Variants in GSG1L observed in about 807,000 individuals in gnomAD.
The protein encoded by GSG1L is germ cell-specific gene 1-like protein.
GSG1L carries 24 observed loss-of-function variants against 42.1 expected under a neutral mutation model. The observed-to-expected ratio is 0.57, with a 90% CI of 0.41 to 0.80. The LOEUF is 0.80. Among genes scored for constraint, GSG1L ranks in the 30% least tolerant of loss-of-function variants. The pLI is 0.00. For missense variants in GSG1L, 445 were observed against 472.2 expected (o/e 0.94, Z 0.53); for synonymous variants, 215 against 203.5 (o/e 1.06, Z -0.48).
intron 2 of GSG1L, chr16:27,888,212 C>A: frequency 1.3e-6 from 1 of 789,462 alleles, no homozygotes; most frequent in Non-Finnish European, 1.5e-6. Context: ...CCCACGTGGG[C>A]CCCGGGCCAG....
intron 1 of GSG1L, among the ~76,000 whole-genome samples, chr16:27,977,404 T>C (rs940584286): frequency 6.6e-6 from 1 of 151,944 alleles, no homozygotes; most frequent in African/African-American, 2.4e-5. Flanking sequence ...AAACCCTGTC[T>C]CTACTAAAAA....
At chr16:27,993,217 T>C (rs1040579309) in intron 1 of GSG1L, among the ~76,000 whole-genome samples, 4 of 152,030 alleles carry the variant, frequency 2.6e-5, no homozygotes, top group African/African-American at 9.7e-5. Flanking sequence ...GGTGCAATCT[T>C]GGCTCACTGC....
chr16:27,908,811 C>A, intron 2 of GSG1L, among the ~76,000 whole-genome samples: 1 of 152,198 alleles, frequency 6.6e-6, no homozygotes, highest in East Asian at 1.9e-4. Flanking sequence ...AGGACAAAAA[C>A]ATTCAAACCA....
At chr16:27,862,542 G>A (rs1386178115) in intron 3 of GSG1L, among the ~76,000 whole-genome samples, 1 of 152,194 alleles carries the variant, frequency 6.6e-6, no homozygotes, top group Non-Finnish European at 1.5e-5. Context: ...AGTTGCTAAG[G>A]CCATGGCAAT....
chr16:28,037,143 G>A (rs778762675), intron 1 of GSG1L, among the ~76,000 whole-genome samples: 4 of 152,072 alleles, frequency 2.6e-5, no homozygotes, highest in East Asian at 1.9e-4. Flanking sequence ...TCTTGTGCCT[G>A]GGCCTCTGAA....
intron 2 of GSG1L, among the ~76,000 whole-genome samples, chr16:27,925,129 G>A (rs1036436307): frequency 7.2e-5 from 11 of 152,236 alleles, no homozygotes; most frequent in Non-Finnish European, 1.5e-4. Context: ...TAGGGAGACA[G>A]CTCACAGTAA....
At chr16:27,961,937 GAC>G (rs909891060) in intron 2 of GSG1L, among the ~76,000 whole-genome samples, 16 of 152,252 alleles carry the variant, frequency 1.1e-4, no homozygotes, top group Admixed American at 6.5e-4. Flanking sequence ...GCTCCAAAAA[GAC>G]AGTGTCTGCA....
chr16:27,916,476 A>G (rs1171308657), intron 2 of GSG1L, among the ~76,000 whole-genome samples: 2 of 132,632 alleles, frequency 1.5e-5, no homozygotes, highest in East Asian at 4.4e-4. Flanking sequence ...GCCAGCTAAT[A>G]TTTTTAATCC....
At chr16:27,981,745 CAT>C (rs1479195193) in intron 1 of GSG1L, among the ~76,000 whole-genome samples, 5 of 152,184 alleles carry the variant, frequency 3.3e-5, no homozygotes, top group Non-Finnish European at 7.3e-5. Flanking sequence ...GGCCTCCAGA[CAT>C]ACGTTGCTTG....
chr16:27,902,006 C>G (rs1390612333), intron 2 of GSG1L, among the ~76,000 whole-genome samples: 1 of 152,218 alleles, frequency 6.6e-6, no homozygotes, highest in Non-Finnish European at 1.5e-5. Flanking sequence ...AAAGCAGCCA[C>G]CACTGCCGTC....
intron 1 of GSG1L, among the ~76,000 whole-genome samples, chr16:27,978,016 C>A (rs1449437142): frequency 6.6e-6 from 1 of 152,206 alleles, no homozygotes; most frequent in Non-Finnish European, 1.5e-5. Flanking sequence ...TCTCCAGGGG[C>A]TCTGGCTGAG....
intron 1 of GSG1L, among the ~76,000 whole-genome samples, chr16:28,032,851 G>A (rs1160522532): frequency 1.3e-5 from 2 of 151,954 alleles, no homozygotes; most frequent in Non-Finnish European, 2.9e-5. Flanking sequence ...TTCCCACAAG[G>A]CCGAGGCACC....
At chr16:27,992,495 CAA>C (rs34225891) in intron 1 of GSG1L, among the ~76,000 whole-genome samples, 112 of 145,020 alleles carry the variant, frequency 7.7e-4, no homozygotes, top group Non-Finnish European at 7.8e-4. Flanking sequence ...AACTCCATCT[CAA>C]AAAAAAAAAA....
intron 2 of GSG1L, among the ~76,000 whole-genome samples, chr16:27,959,581 AG>A (rs2085045622): frequency 6.6e-6 from 1 of 151,652 alleles, no homozygotes; most frequent in Non-Finnish European, 1.5e-5. Context: ...GAAGGGCAAA[AG>A]GGAGGACGGG....
chr16:27,799,015 A>C (rs975982757), intron 6 of GSG1L, among the ~76,000 whole-genome samples: 2 of 152,150 alleles, frequency 1.3e-5, no homozygotes, highest in Non-Finnish European at 2.9e-5. Flanking sequence ...CTGGTGACCT[A>C]CTGTGTGCTA....
At chr16:27,926,379 G>A (rs1358398963) in intron 2 of GSG1L, among the ~76,000 whole-genome samples, 1 of 152,208 alleles carries the variant, frequency 6.6e-6, no homozygotes, top group Admixed American at 6.5e-5. Context: ...ACAACTGAAA[G>A]ATGGTTGATT....
chr16:27,845,091 A>G (rs771592504), intron 3 of GSG1L, 30 bp from the exon 4 acceptor site: 1 of 1,452,992 alleles, frequency 6.9e-7, no homozygotes, highest in Non-Finnish European at 9.6e-7. Context: ...GCAAAGCGTC[A>G]GGAAGTAAGG....
chr16:27,864,734 A>C (rs1278158812), intron 3 of GSG1L, among the ~76,000 whole-genome samples: 1 of 152,204 alleles, frequency 6.6e-6, no homozygotes, highest in East Asian at 1.9e-4. Context: ...GAGGTTGCAA[A>C]GCCCTCGTGT....
chr16:28,023,061 T>A (rs2085862090), intron 1 of GSG1L, among the ~76,000 whole-genome samples: 1 of 152,186 alleles, frequency 6.6e-6, no homozygotes, highest in African/African-American at 2.4e-5. Flanking sequence ...ACTCCTGGCA[T>A]CAAGCGATCC....
Sources: gnomAD v4.1 joint callset for allele counts (sites outside exome capture counted in the v4.1 genomes callset) on GRCh38, gnomAD v4.1.1 for gene constraint, MANE v1.5 for transcripts, NCBI Gene and HGNC (gene_info 2026-07-23, HGNC 2026-07-21) for gene names.